The following CDH18 variants were observed in gnomAD, a reference collection of about 807,000 sequenced individuals.
The protein encoded by CDH18 is cadherin-18.
Under a neutral mutation model 67.9 loss-of-function variants are expected in CDH18, and 31 were observed. The ratio of observed to expected loss-of-function variants is 0.46; its 90% CI spans 0.34 to 0.62. The LOEUF (loss-of-function observed/expected upper bound fraction) is 0.62, where lower values mean the gene tolerates loss of function less well. CDH18 is among the 20% of genes least tolerant of loss of function. CDH18 has a pLI of 0.01. For synonymous variants in CDH18, 362 were observed against 347.2 expected (o/e 1.04, Z -0.48); for missense variants, 890 against 975.5 (o/e 0.91, Z 1.17).
At chr5:20,105,930 C>T (rs935652216) in intron 2 of CDH18, among the ~76,000 whole-genome samples, 20 of 151,996 alleles carry the variant, frequency 1.3e-4, no homozygotes, top group African/African-American at 4.8e-4. Flanking sequence ...TTTTTTCCTG[C>T]TACGTCTATA....
At chr5:20,248,574 A>G (rs1743564546) in intron 2 of CDH18, among the ~76,000 whole-genome samples, 1 of 152,182 alleles carries the variant, frequency 6.6e-6, no homozygotes, top group South Asian at 2.1e-4. Context: ...CTTATTTAGG[A>G]AACAGAGTAT....
In CDH18 at chr5:20,504,760, A is replaced by ATT. The variant is rs70954666; in HGVS notation, c.-580+70700_-580+70701dup. 1.4e-3 allele frequency among the ~76,000 whole-genome samples: 95 copies of ATT among 67,970 alleles called. 1 individual carries two copies. The highest frequency in any genetic ancestry group is 4.3e-3 in the African/African-American group (80 of 18,394). 44.6% of individuals were successfully genotyped at this position (67,970 alleles called of 152,430 possible). A position where few individuals can be genotyped will look rare whatever the true frequency, so the allele number is the denominator to read the frequency against. On this transcript the variant is annotated intron_variant, in intron 1 of 14. Transcript: ENST00000507958. Reference sequence around the variant, plus strand: ...GTAGAAAAAGTGAACACAAAAGGGAATTTTTTTTTTTTTTTTTTTTTTTTT... The same window carrying ATT: ...GTAGAAAAAGTGAACACAAAAGGGAATTTTTTTTTTTTTTTTTTTTTTTTTTT...
At chr5:19,854,241 A>C (rs1784022082) in intron 2 of CDH18, among the ~76,000 whole-genome samples, 1 of 152,126 alleles carries the variant, frequency 6.6e-6, no homozygotes, top group Admixed American at 6.6e-5. Flanking sequence ...GATTATAAAA[A>C]ATCTAAAGGT....
chr5:19,593,732 C>CTTCTTCTTG lies in CDH18; in HGVS notation c.812-2489_812-2488insCAAGAAGAA, dbSNP rs1554055012. On this transcript the variant is annotated intron_variant, in intron 6 of 12. Transcript: ENST00000382275. ...CCTTCTTCTTCTTCTTCTTCTTCTT[C>CTTCTTCTTG]TTCTTCTTCTTCTTCTTCTTCTTCT... 4.3e-3 allele frequency among the ~76,000 whole-genome samples: 558 copies of CTTCTTCTTG among 129,232 alleles called. 8 individuals carry two copies. Among genetic ancestry groups the CTTCTTCTTG allele is most frequent in the South Asian group, 0.012 (46 of 3,794 alleles). The allele number at this position is 129,232 out of a possible 152,430, so 84.8% of individuals were successfully genotyped here.
At chr5:20,133,672 A>G (rs1486202181) in intron 2 of CDH18, among the ~76,000 whole-genome samples, 1 of 151,908 alleles carries the variant, frequency 6.6e-6, no homozygotes, top group Non-Finnish European at 1.5e-5. Flanking sequence ...ATCATTCTTT[A>G]TATTCTATAT....
chr5:20,261,671 C>T (rs1744666913), intron 1 of CDH18, among the ~76,000 whole-genome samples: 1 of 151,902 alleles, frequency 6.6e-6, no homozygotes, highest in African/African-American at 2.4e-5. Context: ...GCAGAGTTTG[C>T]AGTGAGCTGA....
At chr5:19,490,914 C>A (rs1422031160) in intron 11 of CDH18, among the ~76,000 whole-genome samples, 1 of 151,860 alleles carries the variant, frequency 6.6e-6, no homozygotes, top group Admixed American at 6.6e-5. Flanking sequence ...TATAAAACAA[C>A]AATTAATAGA....
chr5:20,145,359 T>C (rs13170385), intron 2 of CDH18, among the ~76,000 whole-genome samples: 66,824 of 151,972 alleles, frequency 0.44, 16,092 homozygotes, highest in Middle Eastern at 0.68. Flanking sequence ...ATTATTATAA[T>C]AAATATGTTT....
intron 3 of CDH18, among the ~76,000 whole-genome samples, chr5:19,789,031 A>G (rs1370320063): frequency 6.6e-6 from 1 of 152,218 alleles, no homozygotes; most frequent in Non-Finnish European, 1.5e-5. Context: ...CATGCATGCC[A>G]TCTTCTCCAC....
chr5:20,080,995 G>C (rs1332664169), intron 2 of CDH18, among the ~76,000 whole-genome samples: 1 of 151,964 alleles, frequency 6.6e-6, no homozygotes, highest in East Asian at 1.9e-4. Flanking sequence ...CCTCATGCTA[G>C]AATAAGATTT....
chr5:20,066,958 T>A (rs567539611), intron 2 of CDH18, among the ~76,000 whole-genome samples: 1 of 151,756 alleles, frequency 6.6e-6, no homozygotes, highest in East Asian at 1.9e-4. Context: ...GCCCTCCATA[T>A]CCATGGATTC....
At chr5:20,195,734 C>A (rs527871561) in intron 2 of CDH18, among the ~76,000 whole-genome samples, 1 of 151,974 alleles carries the variant, frequency 6.6e-6, no homozygotes, top group African/African-American at 2.4e-5. Context: ...ATATAGATTG[C>A]AATTCAAATA....
chr5:19,799,467 C>A (rs973897489), intron 3 of CDH18, among the ~76,000 whole-genome samples: 2 of 151,602 alleles, frequency 1.3e-5, no homozygotes, highest in African/African-American at 4.9e-5. Context: ...CACACACACA[C>A]ACACACCACA....
chr5:19,676,665 C>A (rs1759528185), intron 5 of CDH18, among the ~76,000 whole-genome samples: 1 of 151,916 alleles, frequency 6.6e-6, no homozygotes, highest in Non-Finnish European at 1.5e-5. Flanking sequence ...AGGGTATGAC[C>A]TTCTGTCAGC....
Position 20,466,970 on chromosome 5 carries a change from A to G in CDH18, c.-580+108492T>C, listed in dbSNP as rs1490643996. Among the ~76,000 whole-genome samples, 7 of 152,140 alleles carry G rather than the reference A, an allele frequency of 4.6e-5. No homozygotes were observed. In the East Asian group the frequency reaches 1.3e-3, roughly 29 times the overall value. Reference sequence around the variant, plus strand: ...TCTGAAATTATGGCCTTGTTGCAGGAAAAGGAGAGGGATAATATGAAATGG... The same window carrying G: ...TCTGAAATTATGGCCTTGTTGCAGGGAAAGGAGAGGGATAATATGAAATGG... On this transcript the variant is annotated intron_variant, in intron 1 of 14. Transcript: ENST00000507958.
intron 8 of CDH18, among the ~76,000 whole-genome samples, chr5:19,558,391 GATC>G (rs1738834891): frequency 6.6e-6 from 1 of 151,930 alleles, no homozygotes; most frequent in African/African-American, 2.4e-5. Context: ...AAAAATGATA[GATC>G]ATTAGTGAGA....
At chr5:19,752,595 C>A (rs1256366716) in intron 3 of CDH18, among the ~76,000 whole-genome samples, 3 of 152,144 alleles carry the variant, frequency 2.0e-5, no homozygotes, top group Non-Finnish European at 4.4e-5. Context: ...CCCTACCCAT[C>A]CTGGTAACTG....
chr5:19,521,220 C>G (rs1238481213), intron 9 of CDH18, among the ~76,000 whole-genome samples: 1 of 152,060 alleles, frequency 6.6e-6, no homozygotes, highest in Non-Finnish European at 1.5e-5. Context: ...TTTCTTTACA[C>G]AAAGAATCAT....
At chr5:20,235,772 G>A (rs1742432058) in intron 2 of CDH18, among the ~76,000 whole-genome samples, 1 of 152,064 alleles carries the variant, frequency 6.6e-6, no homozygotes, top group South Asian at 2.1e-4. Context: ...TCCTGCTATT[G>A]GGTATACACC....
Sources: gnomAD v4.1 joint callset for allele counts (sites outside exome capture counted in the v4.1 genomes callset) on GRCh38, gnomAD v4.1.1 for gene constraint, MANE v1.5 for transcripts, NCBI Gene and HGNC (gene_info 2026-07-23, HGNC 2026-07-21) for gene names.